Variants in PTGS2 observed in about 807,000 individuals in gnomAD.
The protein encoded by PTGS2 is prostaglandin-endoperoxide synthase 2.
PTGS2 carries 14 observed loss-of-function variants against 63.8 expected under a neutral mutation model. The observed-to-expected ratio is 0.22, with a 90% CI of 0.14 to 0.34. PTGS2 has a LOEUF of 0.34. Ranked by LOEUF, PTGS2 falls within the 10% of genes least tolerant of loss-of-function variation. The pLI, the probability that PTGS2 is intolerant of heterozygous loss-of-function variation, is 1.00. For missense variants in PTGS2, 533 were observed against 738.5 expected (o/e 0.72, Z 3.23); for synonymous variants, 271 against 259.5 (o/e 1.04, Z -0.43).
In PTGS2 at chr1:186,674,250, A is replaced by G. The variant is rs970929062; in HGVS notation, c.*103T>C. On this transcript the variant is annotated 3_prime_UTR_variant, in exon 10 of 10. Coordinates refer to ENST00000367468, the MANE Select transcript of PTGS2 (RefSeq NM_000963.4). ...CGCAACAGGAGTACTGACTTCTGTT[A>G]CAGAAGATGTTAAGTAACATAAGGA... is the stretch of plus-strand genomic sequence containing the variant. The G allele has an allele frequency of 1.3e-6, 1 of 757,858 alleles. No homozygotes were observed. The highest frequency in any genetic ancestry group is 1.8e-6 in the Non-Finnish European group (1 of 556,990). 46.9% of individuals were successfully genotyped at this position (757,858 alleles called of 1,614,324 possible). A position where few individuals can be genotyped will look rare whatever the true frequency, so the allele number is the denominator to read the frequency against.
chr1:186,675,688 G>A (rs1188153886), intron 8 of PTGS2: 17 of 619,078 alleles, frequency 2.7e-5, no homozygotes, highest in Non-Finnish European at 1.6e-5. Context: ...TTTAAGGTAG[G>A]GGTACAATTT....
rs4648263 is a variant in PTGS2 at position 186,678,941 on chromosome 1, C to G, written c.313+117G>C. The stretch of plus-strand genomic sequence containing the variant: ...TTAAGATGGAAGGCAAACTTAAAAG[C>G]TATCTTAAAGTCTTTTTGATAAGCT... On this transcript the variant is annotated intron_variant, in intron 3 of 9. Coordinates refer to ENST00000367468, the MANE Select transcript of PTGS2 (RefSeq NM_000963.4). 3,585 of 1,286,330 alleles carry G rather than the reference C, an allele frequency of 2.8e-3. 68 individuals are homozygous for G. In the African/African-American group the frequency reaches 0.042, roughly 15 times the overall value. 79.7% of individuals were successfully genotyped at this position (1,286,330 alleles called of 1,614,324 possible).
Position 186,674,395 on chromosome 1 carries a change from G to A in PTGS2, c.1773C>T (p.Ile591=). ...ASSSRSGLDD[I]NPTVLLKERS... ...GTTCTTTTAGTAGTACTGTGGGATT[G>A]ATATCATCTAGTCCGGAGCGGGAAG... The change falls in exon 10 of 10, where the codon ATC becomes ATT. Residue 591 remains isoleucine (I), a synonymous_variant. Coordinates refer to ENST00000367468, the MANE Select transcript of PTGS2 (RefSeq NM_000963.4). 1 of 1,613,806 alleles carries A rather than the reference G, an allele frequency of 6.2e-7. No homozygotes were observed. Among genetic ancestry groups the A allele is most frequent in the African/African-American group, 1.3e-5 (1 of 75,008 alleles).
Position 186,676,503 on chromosome 1 carries a change from C to T in PTGS2, c.934G>A (p.Glu312Lys). The stretch of plus-strand genomic sequence containing the variant: ...AGCCTGCTTGTCTGGAACAACTGCT[C>T]ATCACCCCATTCAGGATGCTCCTGT... Reference protein sequence around the residue: ...LKQEHPEWGDEQLFQTSRLIL... With the variant: ...LKQEHPEWGDKQLFQTSRLIL... The change falls in exon 7 of 10, where the codon GAG becomes AAG. Residue 312 changes from glutamate (E) to lysine (K), a missense_variant. This residue lies in a region of PTGS2 where 67 missense variants were observed against 152.6 expected (regional missense o/e 0.44). Transcript: ENST00000367468. 1 of 1,614,152 alleles carries T rather than the reference C, an allele frequency of 6.2e-7. No individual in the cohort carries two copies. Among genetic ancestry groups the T allele is most frequent in the Non-Finnish European group, 8.5e-7 (1 of 1,180,036 alleles).
chr1:186,679,555 G>T, intron 1 of PTGS2, 117 bp from the exon 2 acceptor site: 1 of 768,302 alleles, frequency 1.3e-6, no homozygotes, highest in Non-Finnish European at 2.1e-6. Context: ...TATATAGGTA[G>T]TCATGGAAAT....
At chr1:186,674,908 G>GCC in intron 9 of PTGS2, 146 bp from the exon 10 acceptor site, 2 of 1,004,722 alleles carry the variant, frequency 2.0e-6, no homozygotes, top group Non-Finnish European at 2.8e-6. Context: ...GCCAGGCGCG[G>GCC]TGGCTCACGC....
intron 3 of PTGS2, 142 bp from the exon 4 acceptor site, chr1:186,678,546 A>G (rs1665822237): frequency 1.3e-6 from 1 of 743,662 alleles, no homozygotes; most frequent in Non-Finnish European, 2.1e-6. Flanking sequence ...TTAAACAACT[A>G]CACTTTATAG....
intron 1 of PTGS2, 91 bp from the exon 2 acceptor site, chr1:186,679,529 T>C (rs973079335): frequency 1.0e-6 from 1 of 988,992 alleles, no homozygotes; most frequent in Admixed American, 2.2e-5. Context: ...AACTTTACAA[T>C]AATAAATTCA....
chr1:186,676,929 G>A lies in PTGS2; in HGVS notation c.640-13C>T. Reference sequence around the variant, plus strand: ...GATTTAAGTCCACCTAGAAAATGATGAAAAAATTTTAATTTGTTGCTGTTG... The same window carrying A: ...GATTTAAGTCCACCTAGAAAATGATAAAAAAATTTTAATTTGTTGCTGTTG... On this transcript the variant is annotated splice_polypyrimidine_tract_variant and intron_variant, in intron 5 of 9. Coordinates refer to ENST00000367468, the MANE Select transcript of PTGS2 (RefSeq NM_000963.4). 1 of 1,592,460 alleles carries A rather than the reference G, an allele frequency of 6.3e-7. No individual in the cohort carries two copies. The highest frequency in any genetic ancestry group is 8.6e-7 in the Non-Finnish European group (1 of 1,169,578).
chr1:186,673,295 T>C lies in PTGS2; in HGVS notation c.*1058A>G, dbSNP rs552048991. ...ACAACAGAAAATCTGAGAAAACATA[T>C]CATTATTCAAGCACAGCTTGGTACT... On this transcript the variant is annotated 3_prime_UTR_variant, in exon 10 of 10. Transcript: ENST00000367468. 3.3e-5 allele frequency: 5 copies of C among 152,286 alleles called. No individual in the cohort carries two copies. In the South Asian group the frequency reaches 1.0e-3, roughly 32 times the overall value. The allele number at this position is 152,286 out of a possible 1,614,324, so 9.4% of individuals were successfully genotyped here.
intron 4 of PTGS2, 69 bp downstream of exon 4, chr1:186,678,192 T>A: frequency 4.9e-6 from 4 of 808,140 alleles, no homozygotes; most frequent in Non-Finnish European, 6.8e-6. Flanking sequence ...CTAAGGTCAA[T>A]TTTTTTTTTT....
intron 5 of PTGS2, among the ~76,000 whole-genome samples, 153 bp downstream of exon 5, chr1:186,677,496 A>G (rs1665801924): frequency 6.6e-6 from 1 of 152,216 alleles, no homozygotes; most frequent in Non-Finnish European, 1.5e-5. Flanking sequence ...AAGTAAATGG[A>G]AAATTCCTTT....
In PTGS2 at chr1:186,675,990, T is replaced by G. The variant is rs776759044; in HGVS notation, c.1165A>C (p.Asn389His). ...TTGTTGTAGATAAACTGTTGATAGT[T>G]GTATTTCTGGTCATGAATTTGAAAG... ...DTFQIHDQKYNYQQFIYNNSI... is the reference protein window; with the variant it reads ...DTFQIHDQKYHYQQFIYNNSI... The change falls in exon 8 of 10, where the codon AAC becomes CAC. Residue 389 changes from asparagine to histidine, a missense_variant. Physicochemically the swap from Asn to His is moderately conservative, Grantham distance 68 (BLOSUM62 1). Transcript: ENST00000367468. 5 of 1,613,920 alleles carry G rather than the reference T, an allele frequency of 3.1e-6. No homozygotes were observed. The South Asian group carries it at 5.5e-5, about 18-fold the overall frequency.
rs1418985556 is a variant in PTGS2 at position 186,672,490 on chromosome 1, A to G, written c.*1863T>C. On this transcript the variant is annotated 3_prime_UTR_variant, in exon 10 of 10. Transcript: ENST00000367468. ...ATAATATTCAGAGAGGTAACCCCAA[A>G]GAAAATATACTGATTGTGACATAAC... The G allele has an allele frequency of 6.6e-6, 1 of 151,830 alleles. No individual in the cohort carries two copies. The highest frequency in any genetic ancestry group is 2.5e-5 in the African/African-American group (1 of 40,784). 9.4% of individuals were successfully genotyped at this position (151,830 alleles called of 1,614,324 possible). A position where few individuals can be genotyped will look rare whatever the true frequency, so the allele number is the denominator to read the frequency against.
chr1:186,677,826 T>C lies in PTGS2; in HGVS notation c.462A>G (p.Lys154=), dbSNP rs142741435. 63 of 1,612,784 alleles carry C rather than the reference T, an allele frequency of 3.9e-5. No individual in the cohort carries two copies. In the African/African-American group the frequency reaches 7.4e-4, roughly 19 times the overall value. Residue 154 remains lysine (K), a synonymous_variant, in exon 5 of 10, where the codon AAA becomes AAG. Transcript: ENST00000367468. ...DCPTPLGVKG[K]KQLPDSNEIV... ...TCTCATTTGAATCAGGAAGCTGCTT[T>C]TTACCTGAAAAATGAGAAAGCTAAG...
At chr1:186,679,015 TC>T in intron 3 of PTGS2, 42 bp downstream of exon 3, 4 of 1,580,688 alleles carry the variant, frequency 2.5e-6, no homozygotes, top group Non-Finnish European at 3.4e-6. Flanking sequence ...AGCATATTTT[TC>T]TTTGAGAAGG....
At position 186,680,357 on chromosome 1, in the gene PTGS2, T is replaced by C; in HGVS notation, c.-67A>G. ...GTCTGAGGGCGTCTGGCTGTGGAGC[T>C]GAAGGAGGCGCTGCTGAGGAGTTCC... On this transcript the variant is annotated 5_prime_UTR_variant, in exon 1 of 10. Transcript: ENST00000367468. 7.9e-7 allele frequency: 1 copy of C among 1,264,154 alleles called. No homozygotes were observed. The highest frequency in any genetic ancestry group is 1.1e-6 in the Non-Finnish European group (1 of 921,550). 78.3% of individuals were successfully genotyped at this position (1,264,154 alleles called of 1,614,324 possible). A position where few individuals can be genotyped will look rare whatever the true frequency, so the allele number is the denominator to read the frequency against.
chr1:186,676,860 A>G lies in PTGS2; in HGVS notation c.696T>C (p.Leu232=), dbSNP rs1023695129. Residue 232 remains leucine (L), a synonymous_variant, in exon 6 of 10, where the codon CTT becomes CTC. Coordinates refer to ENST00000367468, the MANE Select transcript of PTGS2 (RefSeq NM_000963.4). The part of the protein sequence containing the change: ...ETLARQRKLR[L]FKDGKMKYQI... ...GATATTTCATTTTTCCATCCTTGAA[A>G]AGGCGCAGTTTACGCTGTCTAGCCA... 6.2e-7 allele frequency: 1 copy of G among 1,610,682 alleles called. No individual in the cohort carries two copies. Among genetic ancestry groups the G allele is most frequent in the Non-Finnish European group, 8.5e-7 (1 of 1,178,868 alleles).
intron 5 of PTGS2, 103 bp from the exon 6 acceptor site, chr1:186,677,019 T>C (rs1665793911): frequency 2.3e-6 from 2 of 877,990 alleles, no homozygotes; most frequent in Non-Finnish European, 3.5e-6. Context: ...CATTTAGCTT[T>C]CTTTAAAATT....
Sources: gnomAD v4.1 joint callset for allele counts (sites outside exome capture counted in the v4.1 genomes callset) on GRCh38, gnomAD v4.1.1 for gene constraint, gnomAD v4.1.1 regional missense constraint, MANE v1.5 for transcripts, NCBI Gene and HGNC (gene_info 2026-07-23, HGNC 2026-07-21) for gene names.